The following DPF3 variants were observed in gnomAD, a reference collection of about 807,000 sequenced individuals.
DPF3 encodes double PHD fingers 3.
In DPF3, 18 loss-of-function variants were observed where a neutral mutation model predicts 56.8. The observed-to-expected ratio is 0.32, with a 90% CI of 0.22 to 0.47. DPF3 has a LOEUF of 0.47. Among genes scored for constraint, DPF3 ranks in the 20% least tolerant of loss-of-function variants. DPF3 has a pLI of 1.00. For synonymous variants in DPF3, 188 were observed against 180.2 expected, an observed-to-expected ratio of 1.04 and a Z score of -0.35; for missense variants, 403 against 488.8, an observed-to-expected ratio of 0.82 and a Z score of 1.65.
intron 1 of DPF3, among the ~76,000 whole-genome samples, chr14:72,843,117 G>A (rs777108843): frequency 1.3e-5 from 2 of 152,166 alleles, no homozygotes; most frequent in African/African-American, 4.8e-5. Context: ...GTATCATTCC[G>A]GGGAGCTCTC....
At chr14:72,824,359 C>G (rs538962874) in intron 1 of DPF3, among the ~76,000 whole-genome samples, 3 of 152,080 alleles carry the variant, frequency 2.0e-5, no homozygotes, top group African/African-American at 4.8e-5. Flanking sequence ...GACACTTTCA[C>G]GTGTCCACAC....
intron 1 of DPF3, among the ~76,000 whole-genome samples, chr14:72,843,696 C>A (rs1884641381): frequency 6.6e-6 from 1 of 152,228 alleles, no homozygotes; most frequent in Non-Finnish European, 1.5e-5. Flanking sequence ...GCATGTGCCA[C>A]CATGCCCAGC....
chr14:72,846,422 G>A lies in DPF3; in HGVS notation c.32+47635C>T, dbSNP rs576734569. ...GCGATCTCGGCTCACTGCAAGCTCC[G>A]CCTCCTGGGTTCACGCCATTCTCCT... On this transcript the variant is annotated intron_variant, in intron 1 of 10. Coordinates refer to ENST00000556509, the MANE Select transcript of DPF3 (RefSeq NM_001280542.3). Among the ~76,000 whole-genome samples the A allele has an allele frequency of 3.2e-3, 440 of 136,278 alleles. 4 individuals carry two copies. The highest frequency in any genetic ancestry group is 0.012 in the African/African-American group (419 of 36,288). The allele number at this position is 136,278 out of a possible 152,430, so 89.4% of individuals were successfully genotyped here.
In DPF3 at chr14:72,731,886, G is replaced by C; in HGVS notation, c.350C>G (p.Thr117Arg). 1 of 1,607,718 alleles carries C rather than the reference G, an allele frequency of 6.2e-7. No individual in the cohort carries two copies. ...KKDGFTSEST[T>R]LEALLRGEGV... ...CTCGCCACGGAGCAAGGCTTCCAGC[G>C]TGGTGCTCTCTGAGGTGAACCCATC... Residue 117 changes from threonine to arginine, a missense_variant, in exon 4 of 11, where the codon ACG (threonine) becomes AGG (arginine). Around this residue, in one of 2 missense-constraint regions of DPF3, gnomAD observed 340 missense variants for 374.3 expected, o/e 0.91. Coordinates refer to ENST00000556509, the MANE Select transcript of DPF3 (RefSeq NM_001280542.3).
chr14:72,704,061 A>G (rs370631160), intron 6 of DPF3, among the ~76,000 whole-genome samples: 6 of 152,362 alleles, frequency 3.9e-5, no homozygotes, highest in East Asian at 3.9e-4. Flanking sequence ...CTAACAGACC[A>G]GAAAACAAAG....
rs1458694871 is a variant in DPF3, at chr14:72,693,140, C to T, written c.678G>A (p.Glu226=). The change falls in exon 7 of 11, where the codon GAG becomes GAA. Residue 226 remains glutamate (E), a synonymous_variant. Transcript: ENST00000556509. ...HYAHTHLASE[E]GDEAQDQETR... Reference sequence around the variant, plus strand: ...TCTCCTGGTCTTGAGCTTCATCCCCCTCCTCGCTGGCCAGGTGAGTGTGAG... The same window carrying T: ...TCTCCTGGTCTTGAGCTTCATCCCCTTCCTCGCTGGCCAGGTGAGTGTGAG... The T allele has an allele frequency of 6.2e-7, 1 of 1,614,052 alleles. No homozygotes were observed. The highest frequency in any genetic ancestry group is 1.7e-5 in the Admixed American group (1 of 60,030).
At chr14:72,877,941 G>A (rs972274881) in intron 1 of DPF3, among the ~76,000 whole-genome samples, 3 of 152,204 alleles carry the variant, frequency 2.0e-5, no homozygotes, top group African/African-American at 7.2e-5. Flanking sequence ...GGACAGCCCT[G>A]TGTCACCCTC....
At chr14:72,728,562 C>T (rs1422483567) in intron 4 of DPF3, among the ~76,000 whole-genome samples, 1 of 152,120 alleles carries the variant, frequency 6.6e-6, no homozygotes, top group Non-Finnish European at 1.5e-5. Context: ...AGTTTTTTAG[C>T]AGAGTTTTGC....
chr14:72,655,737 T>C (rs1886045040), intron 8 of DPF3, among the ~76,000 whole-genome samples: 1 of 152,184 alleles, frequency 6.6e-6, no homozygotes, highest in South Asian at 2.1e-4. Flanking sequence ...AGCCTAGAAA[T>C]GTAATTTTAG....
At chr14:72,775,252 A>C (rs561986580) in intron 1 of DPF3, among the ~76,000 whole-genome samples, 42 of 152,348 alleles carry the variant, frequency 2.8e-4, no homozygotes, top group Non-Finnish European at 5.0e-4. Context: ...AAAATGAAAA[A>C]TTGTATAGCA....
intron 1 of DPF3, among the ~76,000 whole-genome samples, chr14:72,888,720 C>G (rs550867583): frequency 1.3e-5 from 2 of 152,288 alleles, no homozygotes; most frequent in East Asian, 1.9e-4. Context: ...CCTGTTGGGT[C>G]GTAGCTGGGC....
intron 8 of DPF3, among the ~76,000 whole-genome samples, chr14:72,666,147 A>G (rs887927441): frequency 2.0e-5 from 3 of 152,136 alleles, no homozygotes; most frequent in Non-Finnish European, 4.4e-5. Context: ...TTTGTGTTAG[A>G]AGCAATTGGG....
At chr14:72,792,152 T>C (rs1892465594) in intron 1 of DPF3, among the ~76,000 whole-genome samples, 1 of 146,796 alleles carries the variant, frequency 6.8e-6, no homozygotes, top group Non-Finnish European at 1.5e-5. Flanking sequence ...CCATCACTCG[T>C]CCTTGGGCAC....
chr14:72,669,969 G>A (rs750230420), intron 8 of DPF3: 5 of 985,870 alleles, frequency 5.1e-6, no homozygotes, highest in Non-Finnish European at 6.0e-6. Context: ...CTAGGACCTC[G>A]CAGCCGGTCA....
chr14:72,613,012 G>C lies in DPF3; in HGVS notation c.*6285C>G, dbSNP rs147204830. On this transcript the variant is annotated 3_prime_UTR_variant, in exon 11 of 11. Transcript: ENST00000556509. ...GTAGGGCGTGTGTGTGTGTGTGTGTGTGTGTGTGTGTGTGTGTGTATGTGC... is the reference window on the plus strand; with the variant it reads ...GTAGGGCGTGTGTGTGTGTGTGTGTCTGTGTGTGTGTGTGTGTGTATGTGC... Among the ~76,000 whole-genome samples the C allele has an allele frequency of 5.2e-5, 7 of 135,524 alleles. No homozygotes were observed. Among genetic ancestry groups the C allele is most frequent in the African/African-American group, 1.9e-4 (6 of 31,380 alleles). The allele number at this position is 135,524 out of a possible 152,430, so 88.9% of individuals were successfully genotyped here. A position where few individuals can be genotyped will look rare whatever the true frequency, so the allele number is the denominator to read the frequency against.
At chr14:72,823,852 A>C (rs571240823) in intron 1 of DPF3, among the ~76,000 whole-genome samples, 2 of 152,174 alleles carry the variant, frequency 1.3e-5, no homozygotes, top group Non-Finnish European at 2.9e-5. Context: ...TCATTGTGAG[A>C]AATAGGGAGA....
At chr14:72,884,523 C>T (rs889070245) in intron 1 of DPF3, among the ~76,000 whole-genome samples, 1 of 151,944 alleles carries the variant, frequency 6.6e-6, no homozygotes, top group Non-Finnish European at 1.5e-5. Flanking sequence ...TCATGTGGGC[C>T]GCTGCGGGGA....
chr14:72,671,567 T>C lies in DPF3; in HGVS notation c.871+2673A>G, dbSNP rs1475505097. 3 of 714,904 alleles carry C rather than the reference T, an allele frequency of 4.2e-6. No individual in the cohort carries two copies. The African/African-American group carries it at 5.2e-5, about 12-fold the overall frequency. The allele number at this position is 714,904 out of a possible 1,614,324, so 44.3% of individuals were successfully genotyped here. A position where few individuals can be genotyped will look rare whatever the true frequency, so the allele number is the denominator to read the frequency against. On this transcript the variant is annotated intron_variant, in intron 8 of 10. Coordinates refer to ENST00000556509, the MANE Select transcript of DPF3 (RefSeq NM_001280542.3). ...CGAAAAGGCATCATCTCTACCATAGTACATATGTCCACAGCTTCCGACAGC... is the reference window on the plus strand; with the variant it reads ...CGAAAAGGCATCATCTCTACCATAGCACATATGTCCACAGCTTCCGACAGC...
At chr14:72,772,011 A>T in intron 1 of DPF3, 118 bp from the exon 2 acceptor site, 1 of 1,156,130 alleles carries the variant, frequency 8.6e-7, no homozygotes, top group Non-Finnish European at 1.1e-6. Flanking sequence ...CCAGTTATGA[A>T]GACCAAGGCA....
Sources: gnomAD v4.1 joint callset for allele counts (sites outside exome capture counted in the v4.1 genomes callset) on GRCh38, gnomAD v4.1.1 for gene constraint, gnomAD v4.1.1 regional missense constraint, MANE v1.5 for transcripts, NCBI Gene and HGNC (gene_info 2026-07-23, HGNC 2026-07-21) for gene names.